Variants in B3GALT1 observed in about 807,000 individuals in gnomAD.
The protein encoded by B3GALT1 is UDP-Gal:betaGlcNAc beta 1,3-galactosyltransferase, polypeptide 1.
A neutral mutation model predicts 23.2 loss-of-function variants in B3GALT1; 10 were observed. The observed-to-expected ratio is 0.43, with a 90% CI of 0.27 to 0.73. The LOEUF (loss-of-function observed/expected upper bound fraction) is 0.73, where lower values mean the gene tolerates loss of function less well. Among genes scored for constraint, B3GALT1 ranks in the 30% least tolerant of loss-of-function variants. The pLI is 0.21. For synonymous variants in B3GALT1, 156 were observed against 141.5 expected, an observed-to-expected ratio of 1.10 and a Z score of -0.73; for missense variants, 299 against 405.4, an observed-to-expected ratio of 0.74 and a Z score of 2.25.
intron 3 of B3GALT1, among the ~76,000 whole-genome samples, chr2:167,704,632 G>T (rs958084249): frequency 1.3e-5 from 2 of 152,106 alleles, no homozygotes; most frequent in African/African-American, 4.8e-5. Context: ...ATAGACAGAT[G>T]CTGTAGAGCT....
intron 1 of B3GALT1, among the ~76,000 whole-genome samples, chr2:167,373,496 T>A (rs771385220): frequency 7.9e-5 from 12 of 152,032 alleles, no homozygotes; most frequent in Non-Finnish European, 1.8e-4. Flanking sequence ...AACAAACGAC[T>A]GGTATTCAGA....
At chr2:167,294,689 T>G (rs1180416390) in intron 1 of B3GALT1, among the ~76,000 whole-genome samples, 1 of 152,190 alleles carries the variant, frequency 6.6e-6, no homozygotes, top group Non-Finnish European at 1.5e-5. Flanking sequence ...TGACTGGCGT[T>G]GGGGTTGCAG....
chr2:167,406,436 A>G (rs973616092), intron 1 of B3GALT1, among the ~76,000 whole-genome samples: 4 of 152,126 alleles, frequency 2.6e-5, no homozygotes, highest in African/African-American at 9.7e-5. Context: ...AAAGTGGAGA[A>G]ACTCCAAGCA....
At chr2:167,771,933 C>T (rs746720773) in intron 3 of B3GALT1, among the ~76,000 whole-genome samples, 1 of 152,150 alleles carries the variant, frequency 6.6e-6, no homozygotes, top group Admixed American at 6.5e-5. Flanking sequence ...TAATGAAATA[C>T]AGACTGGGGG....
intron 1 of B3GALT1, among the ~76,000 whole-genome samples, chr2:167,394,506 A>T (rs772171731): frequency 7.2e-5 from 11 of 152,116 alleles, no homozygotes; most frequent in Non-Finnish European, 1.6e-4. Context: ...TTTTGATGCT[A>T]CAGCTTTGAT....
chr2:167,538,908 A>G (rs1488178528), intron 2 of B3GALT1, among the ~76,000 whole-genome samples: 1 of 152,186 alleles, frequency 6.6e-6, no homozygotes, highest in Non-Finnish European at 1.5e-5. Flanking sequence ...AAAAAAAAAG[A>G]GTAATTTATC....
At chr2:167,428,264 A>G (rs190262490) in intron 1 of B3GALT1, among the ~76,000 whole-genome samples, 2 of 152,376 alleles carry the variant, frequency 1.3e-5, no homozygotes, top group Admixed American at 6.5e-5. Context: ...TTGGTTTTGA[A>G]TAAGAGCAAA....
intron 4 of B3GALT1, among the ~76,000 whole-genome samples, chr2:167,835,889 G>T (rs1291384931): frequency 6.6e-6 from 1 of 152,212 alleles, no homozygotes; most frequent in African/African-American, 2.4e-5. Context: ...CTGTTCTGCA[G>T]ACACTACTGC....
chr2:167,442,231 G>C (rs1330936940), intron 1 of B3GALT1, among the ~76,000 whole-genome samples: 2 of 152,202 alleles, frequency 1.3e-5, no homozygotes, highest in East Asian at 3.9e-4. Flanking sequence ...ATGGCGCATA[G>C]TATTCCATGG....
At chr2:167,327,410 C>T (rs566297516) in intron 1 of B3GALT1, among the ~76,000 whole-genome samples, 1 of 152,126 alleles carries the variant, frequency 6.6e-6, no homozygotes, top group South Asian at 2.1e-4. Context: ...CCATTTGTGT[C>T]CTCTTCAGTT....
intron 3 of B3GALT1, chr2:167,715,192 C>T: frequency 1.2e-6 from 2 of 1,613,948 alleles, no homozygotes; most frequent in Non-Finnish European, 1.7e-6. Context: ...CTTCTAATTC[C>T]AAGTTATCAT....
At chr2:167,789,965 C>T (rs1039431623) in intron 3 of B3GALT1, among the ~76,000 whole-genome samples, 3 of 152,138 alleles carry the variant, frequency 2.0e-5, no homozygotes, top group Non-Finnish European at 4.4e-5. Flanking sequence ...ACCACCACCC[C>T]GCAAAGACAG....
chr2:167,837,147 A>T (rs1299440455), intron 4 of B3GALT1, among the ~76,000 whole-genome samples: 3 of 152,230 alleles, frequency 2.0e-5, no homozygotes, highest in Admixed American at 1.3e-4. Flanking sequence ...AGCTAACATC[A>T]TAATGACAGG....
intron 2 of B3GALT1, among the ~76,000 whole-genome samples, chr2:167,504,604 T>A (rs538361075): frequency 3.3e-5 from 5 of 152,290 alleles, no homozygotes; most frequent in Non-Finnish European, 7.4e-5. Flanking sequence ...GCTGACTGAT[T>A]AATGAAATGA....
rs112154469 is a variant in B3GALT1 at position 167,844,556 on chromosome 2, G to T, written c.-229-24255G>T. ...GCAGAGTCAATTTAGAGAGCCTAGC[G>T]AAATACAGGGGTAGAGGAAGCAGCA... On this transcript the variant is annotated intron_variant, in intron 4 of 4. Coordinates refer to ENST00000392690, the MANE Select transcript of B3GALT1 (RefSeq NM_020981.4). 1.7e-3 allele frequency among the ~76,000 whole-genome samples: 262 copies of T among 152,298 alleles called. 2 individuals carry two copies. Among genetic ancestry groups the T allele is most frequent in the African/African-American group, 6.1e-3 (255 of 41,550 alleles).
chr2:167,489,433 C>G (rs1031909261), intron 1 of B3GALT1, among the ~76,000 whole-genome samples: 16 of 152,094 alleles, frequency 1.1e-4, no homozygotes, highest in African/African-American at 3.9e-4. Context: ...AAGAAACAGT[C>G]AGTTTGCAGG....
chr2:167,740,882 T>G (rs982616363), intron 3 of B3GALT1, among the ~76,000 whole-genome samples: 3 of 152,188 alleles, frequency 2.0e-5, no homozygotes, highest in Non-Finnish European at 2.9e-5. Context: ...CTGTGGTAAC[T>G]TCTCAATTTC....
chr2:167,416,560 G>A (rs1233864570), intron 1 of B3GALT1, among the ~76,000 whole-genome samples: 1 of 152,180 alleles, frequency 6.6e-6, no homozygotes, highest in Non-Finnish European at 1.5e-5. Context: ...CGGGGTTAGA[G>A]TTGCCACAGA....
intron 3 of B3GALT1, among the ~76,000 whole-genome samples, chr2:167,804,936 C>G (rs904846772): frequency 1.3e-5 from 2 of 152,198 alleles, no homozygotes; most frequent in African/African-American, 2.4e-5. Context: ...AGTTTACAGT[C>G]CCACCAACAG....
Sources: allele counts gnomAD v4.1 joint callset (sites outside exome capture counted in the v4.1 genomes callset), GRCh38; gene constraint gnomAD v4.1.1; transcripts MANE v1.5; gene names NCBI Gene and HGNC (gene_info 2026-07-23, HGNC 2026-07-21).